TSHZ2: variants seen among roughly 807,000 people sequenced by gnomAD.
TSHZ2 encodes teashirt zinc finger homeobox 2.
A neutral mutation model predicts 74.4 loss-of-function variants in TSHZ2; 21 were observed. That is an observed-to-expected ratio of 0.28 (90% CI 0.20 to 0.41). The LOEUF is 0.41. Ranked by LOEUF, TSHZ2 falls within the 10% of genes least tolerant of loss-of-function variation. The pLI is 1.00. For missense variants in TSHZ2, 1,244 were observed against 1,293.5 expected (o/e 0.96, Z 0.59); for synonymous variants, 540 against 515.3 (o/e 1.05, Z -0.65).
chr20:53,339,929 C>T (rs1357800339), intron 2 of TSHZ2, among the ~76,000 whole-genome samples: 1 of 152,170 alleles, frequency 6.6e-6, no homozygotes, highest in Non-Finnish European at 1.5e-5. Flanking sequence ...TCTCATCTGC[C>T]CCCCAAATCC....
At chr20:52,978,999 T>C (rs1291350051) in intron 1 of TSHZ2, among the ~76,000 whole-genome samples, 1 of 152,174 alleles carries the variant, frequency 6.6e-6, no homozygotes, top group Non-Finnish European at 1.5e-5. Flanking sequence ...AAGTTAGAAA[T>C]TCTCACATTC....
chr20:53,459,428 T>C (rs563204129), intron 2 of TSHZ2, among the ~76,000 whole-genome samples: 18 of 151,046 alleles, frequency 1.2e-4, no homozygotes, highest in Admixed American at 6.6e-4. Context: ...TCCTCCATCC[T>C]TTTATTTTGA....
chr20:53,092,365 A>G (rs1211793759), intron 1 of TSHZ2, among the ~76,000 whole-genome samples: 1 of 152,168 alleles, frequency 6.6e-6, no homozygotes, highest in Non-Finnish European at 1.5e-5. Flanking sequence ...TCTTAACACT[A>G]GCCACCAGAT....
chr20:53,294,757 T>C (rs370304910), intron 2 of TSHZ2, among the ~76,000 whole-genome samples: 2 of 152,290 alleles, frequency 1.3e-5, no homozygotes, highest in South Asian at 2.1e-4. Context: ...CTTTCTGATC[T>C]TTTACTCCTC....
At chr20:53,332,342 A>G (rs1184955280) in intron 2 of TSHZ2, among the ~76,000 whole-genome samples, 4 of 152,180 alleles carry the variant, frequency 2.6e-5, no homozygotes, top group African/African-American at 9.7e-5. Flanking sequence ...AAGAATGTCA[A>G]AGGCAAAGGC....
At chr20:53,460,052 A>G (rs372910351) in intron 2 of TSHZ2, among the ~76,000 whole-genome samples, 263 of 151,906 alleles carry the variant, frequency 1.7e-3, no homozygotes, top group Middle Eastern at 3.4e-3. Context: ...TGCTCTTCTC[A>G]AGGAGTATCT....
chr20:53,183,552 G>C (rs564004895), intron 1 of TSHZ2, among the ~76,000 whole-genome samples: 2 of 152,192 alleles, frequency 1.3e-5, no homozygotes, highest in Middle Eastern at 6.8e-3. Flanking sequence ...AGGATTCAAG[G>C]CTCAGCTGTG....
chr20:53,189,239 G>A (rs998127902), intron 1 of TSHZ2, among the ~76,000 whole-genome samples: 2 of 152,120 alleles, frequency 1.3e-5, no homozygotes, highest in African/African-American at 4.8e-5. Context: ...TGGAAGGCCC[G>A]TTCTATTAAA....
chr20:53,238,638 C>A (rs1173655255), intron 1 of TSHZ2, among the ~76,000 whole-genome samples: 1 of 152,012 alleles, frequency 6.6e-6, no homozygotes, highest in African/African-American at 2.4e-5. Context: ...GACATAAACA[C>A]ACACAATGCA....
In TSHZ2 at chr20:53,324,334, A is replaced by G. The variant is rs144252000; in HGVS notation, c.*8+67763A>G. Among the ~76,000 whole-genome samples, 64 of 152,126 alleles carry G rather than the reference A, an allele frequency of 4.2e-4. 2 individuals are homozygous for G. In the East Asian group the frequency reaches 0.011, roughly 26 times the overall value. Reference sequence around the variant, plus strand: ...AGAAGCCCTAGGTAGGATGAGGGAGAAGGAGGCAGTTTCCTTTTCTACTTT... The same window carrying G: ...AGAAGCCCTAGGTAGGATGAGGGAGGAGGAGGCAGTTTCCTTTTCTACTTT... On this transcript the variant is annotated intron_variant, in intron 2 of 2. Transcript: ENST00000371497.
intron 1 of TSHZ2, among the ~76,000 whole-genome samples, chr20:53,000,401 G>A (rs1982367512): frequency 6.6e-6 from 1 of 152,132 alleles, no homozygotes; most frequent in African/African-American, 2.4e-5. Flanking sequence ...GTGTAGGACA[G>A]TCATATGAGT....
chr20:53,164,516 T>C (rs1375381873), intron 1 of TSHZ2, among the ~76,000 whole-genome samples: 1 of 152,182 alleles, frequency 6.6e-6, no homozygotes, highest in Non-Finnish European at 1.5e-5. Flanking sequence ...CCAATAGAAC[T>C]TTCTGTGATG....
intron 2 of TSHZ2, among the ~76,000 whole-genome samples, chr20:53,270,664 T>TC (rs11475349): frequency 2.6e-5 from 4 of 151,742 alleles, no homozygotes; most frequent in Admixed American, 6.6e-5. Flanking sequence ...GATGAATGCC[T>TC]CCCCCCCAAA....
intron 2 of TSHZ2, among the ~76,000 whole-genome samples, chr20:53,423,388 A>AAAC (rs1983548011): frequency 6.7e-6 from 1 of 150,270 alleles, no homozygotes; most frequent in African/African-American, 2.5e-5. Flanking sequence ...CATCTCAAAA[A>AAAC]AAACAAACAA....
At chr20:53,103,839 TGAG>T (rs767004652) in intron 1 of TSHZ2, among the ~76,000 whole-genome samples, 4 of 152,174 alleles carry the variant, frequency 2.6e-5, no homozygotes, top group Non-Finnish European at 5.9e-5. Flanking sequence ...ATTGTTAACT[TGAG>T]GAGCTGCCGC....
At chr20:53,266,345 G>A (rs1345822776) in intron 2 of TSHZ2, among the ~76,000 whole-genome samples, 8 of 152,134 alleles carry the variant, frequency 5.3e-5, no homozygotes, top group South Asian at 2.1e-4. Context: ...GTATTTGTGC[G>A]CTCTGCCCCA....
chr20:53,206,174 G>T (rs1568812409), intron 1 of TSHZ2, among the ~76,000 whole-genome samples: 1 of 152,172 alleles, frequency 6.6e-6, no homozygotes, highest in African/African-American at 2.4e-5. Context: ...AGCCAACATT[G>T]CACCGCTGCA....
intron 2 of TSHZ2, among the ~76,000 whole-genome samples, chr20:53,291,813 C>A (rs1263936292): frequency 6.6e-6 from 1 of 152,182 alleles, no homozygotes; most frequent in Non-Finnish European, 1.5e-5. Context: ...GCACACTCTT[C>A]TGAATCAAAG....
chr20:53,182,402 A>G (rs1024155739), intron 1 of TSHZ2, among the ~76,000 whole-genome samples: 1 of 152,188 alleles, frequency 6.6e-6, no homozygotes, highest in Non-Finnish European at 1.5e-5. Context: ...AATATGGGCA[A>G]AGTACTCTGA....
Sources: gnomAD v4.1 joint callset for allele counts (sites outside exome capture counted in the v4.1 genomes callset) on GRCh38, gnomAD v4.1.1 for gene constraint, MANE v1.5 for transcripts, NCBI Gene and HGNC (gene_info 2026-07-23, HGNC 2026-07-21) for gene names.